LANCL2: variants seen among roughly 807,000 people sequenced by gnomAD.
LANCL2 encodes the protein LanC like glutathione S-transferase 2.
Under a neutral mutation model 56.9 loss-of-function variants are expected in LANCL2, and 33 were observed. The ratio of observed to expected loss-of-function variants is 0.58; its 90% CI spans 0.44 to 0.78. The LOEUF (loss-of-function observed/expected upper bound fraction) is 0.78. LANCL2 is among the 30% of genes least tolerant of loss of function. LANCL2 has a pLI of 0.00. For missense variants in LANCL2, 562 were observed against 580.2 expected (o/e 0.97, Z 0.32); for synonymous variants, 233 against 228.2 (o/e 1.02, Z -0.19).
intron 1 of LANCL2, among the ~76,000 whole-genome samples, 154 bp from the exon 2 acceptor site, chr7:55,391,639 A>G (rs1181313536): frequency 1.3e-5 from 2 of 152,176 alleles, no homozygotes; most frequent in African/African-American, 4.8e-5. Flanking sequence ...TAACCTTATA[A>G]AAACCAAGAT....
chr7:55,425,544 G>C (rs1006598166), intron 7 of LANCL2, 114 bp downstream of exon 7: 3 of 968,388 alleles, frequency 3.1e-6, no homozygotes, highest in African/African-American at 3.3e-5. Flanking sequence ...CAGTTCTGTA[G>C]CTTCCTCTTT....
Position 55,432,293 on chromosome 7 carries a change from T to C in LANCL2, c.*973T>C, listed in dbSNP as rs549256592. ...AACTTACTTCAACCTTTTGGAAAGT[T>C]ATCAAAATCTAAATTTGGAATGAAT... is the stretch of plus-strand genomic sequence containing the variant. On this transcript the variant is annotated 3_prime_UTR_variant, in exon 9 of 9. Transcript: ENST00000254770. 1 of 152,356 alleles carries C rather than the reference T, an allele frequency of 6.6e-6. No homozygotes were observed. Among genetic ancestry groups the C allele is most frequent in the Non-Finnish European group, 1.5e-5 (1 of 68,040 alleles). The allele number at this position is 152,356 out of a possible 1,614,324, so 9.4% of individuals were successfully genotyped here. A position where few individuals can be genotyped will look rare whatever the true frequency, so the allele number is the denominator to read the frequency against.
At chr7:55,367,716 C>T (rs772955696) in intron 1 of LANCL2, among the ~76,000 whole-genome samples, 2 of 152,156 alleles carry the variant, frequency 1.3e-5, no homozygotes, top group African/African-American at 4.8e-5. Context: ...CAGAGCTAGA[C>T]GCAGTCTCAA....
At chr7:55,382,556 G>C (rs757169444) in intron 1 of LANCL2, among the ~76,000 whole-genome samples, 1 of 152,106 alleles carries the variant, frequency 6.6e-6, no homozygotes, top group Non-Finnish European at 1.5e-5. Context: ...GTTTTTAAAG[G>C]ATAATTTGGT....
At chr7:55,403,838 A>G (rs570671266) in intron 5 of LANCL2, among the ~76,000 whole-genome samples, 1 of 152,120 alleles carries the variant, frequency 6.6e-6, no homozygotes, top group South Asian at 2.1e-4. Context: ...CCAAAATGCT[A>G]GGATTATAGG....
chr7:55,419,488 G>A (rs1036383666), intron 6 of LANCL2, among the ~76,000 whole-genome samples: 49 of 141,292 alleles, frequency 3.5e-4, no homozygotes, highest in African/African-American at 1.2e-3. Context: ...TGCAACCTCC[G>A]CCTCCCGGGT....
chr7:55,373,476 G>A (rs1789968444), intron 1 of LANCL2, among the ~76,000 whole-genome samples: 1 of 150,892 alleles, frequency 6.6e-6, no homozygotes, highest in African/African-American at 2.4e-5. Flanking sequence ...TTTTTTGTGT[G>A]TGGAGATGGG....
intron 5 of LANCL2, among the ~76,000 whole-genome samples, chr7:55,405,732 T>C (rs1373826503): frequency 6.6e-6 from 1 of 152,144 alleles, no homozygotes; most frequent in Non-Finnish European, 1.5e-5. Flanking sequence ...TTCATGTGTT[T>C]AGGCTGATTT....
intron 4 of LANCL2, among the ~76,000 whole-genome samples, chr7:55,400,911 G>A (rs569391451): frequency 7.2e-5 from 11 of 152,184 alleles, no homozygotes; most frequent in South Asian, 2.1e-4. Flanking sequence ...TAGATTTTTC[G>A]TTGACTTTTT....
intron 1 of LANCL2, among the ~76,000 whole-genome samples, chr7:55,387,006 A>C (rs1790132878): frequency 6.6e-6 from 1 of 152,202 alleles, no homozygotes; most frequent in African/African-American, 2.4e-5. Flanking sequence ...CATCATTTGA[A>C]GGTGAAACTG....
chr7:55,432,843 T>G lies in LANCL2; in HGVS notation c.*1523T>G, dbSNP rs1288052872. The G allele has an allele frequency of 6.6e-6, 1 of 152,248 alleles. No homozygotes were observed. The highest frequency in any genetic ancestry group is 2.4e-5 in the African/African-American group (1 of 41,472). 9.4% of individuals were successfully genotyped at this position (152,248 alleles called of 1,614,324 possible). The stretch of plus-strand genomic sequence containing the variant: ...ATTATTTTCTTTCATGTTAGATTGA[T>G]GACTTCTGTGAATAGAAATCATCCT... On this transcript the variant is annotated 3_prime_UTR_variant, in exon 9 of 9. Transcript: ENST00000254770.
intron 1 of LANCL2, among the ~76,000 whole-genome samples, chr7:55,372,565 A>G (rs1023358562): frequency 1.3e-5 from 2 of 152,248 alleles, no homozygotes; most frequent in African/African-American, 4.8e-5. Context: ...TAATTAGGTT[A>G]ATACATTTAA....
chr7:55,415,240 C>CA (rs374699237), intron 6 of LANCL2, among the ~76,000 whole-genome samples: 3 of 151,912 alleles, frequency 2.0e-5, no homozygotes, highest in Non-Finnish European at 2.9e-5. Flanking sequence ...ATGCAATGTC[C>CA]AAAAAAAGCA....
chr7:55,369,650 G>A (rs560550504), intron 1 of LANCL2, among the ~76,000 whole-genome samples: 26 of 152,264 alleles, frequency 1.7e-4, no homozygotes, highest in African/African-American at 5.8e-4. Context: ...GACTTAAGGG[G>A]AATTGAGCCC....
intron 5 of LANCL2, among the ~76,000 whole-genome samples, chr7:55,411,000 G>T (rs1790464613): frequency 6.6e-6 from 1 of 152,006 alleles, no homozygotes; most frequent in Admixed American, 6.6e-5. Flanking sequence ...TCACTCTGAA[G>T]GCATTGTGTG....
intron 2 of LANCL2, among the ~76,000 whole-genome samples, chr7:55,395,022 A>T (rs1355746692): frequency 6.6e-6 from 1 of 152,032 alleles, no homozygotes; most frequent in East Asian, 1.9e-4. Flanking sequence ...GGCACTCCTG[A>T]TACAAGGAAG....
In LANCL2 at chr7:55,366,106, C is replaced by G; in HGVS notation, c.81C>G (p.Pro27=). ...TGGAGGAACGGGCGTTCGTCAACCC[C>G]TTCCCGGACTACGAGGCCGCCGCCG... ...AEMEERAFVN[P]FPDYEAAAGA... The change falls in exon 1 of 9, where the codon CCC becomes CCG. Residue 27 remains proline (P), a synonymous_variant. Transcript: ENST00000254770. The G allele has an allele frequency of 2.6e-6, 4 of 1,545,422 alleles. No homozygotes were observed. The highest frequency in any genetic ancestry group is 3.5e-6 in the Non-Finnish European group (4 of 1,142,386).
intron 2 of LANCL2, among the ~76,000 whole-genome samples, chr7:55,392,477 T>C (rs1451221343): frequency 6.6e-6 from 1 of 151,862 alleles, no homozygotes; most frequent in Non-Finnish European, 1.5e-5. Context: ...CAGCCTCCTG[T>C]GTAGCTGGGA....
At chr7:55,424,898 G>A (rs907135547) in intron 6 of LANCL2, among the ~76,000 whole-genome samples, 4 of 152,204 alleles carry the variant, frequency 2.6e-5, no homozygotes, top group Non-Finnish European at 4.4e-5. Context: ...CTGCTTATGC[G>A]AGGGATCTAG....
Sources: gnomAD v4.1 joint callset for allele counts (sites outside exome capture counted in the v4.1 genomes callset) on GRCh38, gnomAD v4.1.1 for gene constraint, MANE v1.5 for transcripts, NCBI Gene and HGNC (gene_info 2026-07-23, HGNC 2026-07-21) for gene names.